CTNND2: variants seen among roughly 807,000 people sequenced by gnomAD.
The protein encoded by CTNND2 is catenin delta-2.
A neutral mutation model predicts 144.4 loss-of-function variants in CTNND2; 22 were observed. The observed-to-expected ratio is 0.15, with a 90% CI of 0.11 to 0.22. The LOEUF is 0.22. Among genes scored for constraint, CTNND2 ranks in the 10% least tolerant of loss-of-function variants. The probability of loss-of-function intolerance (pLI) is 1.00; values close to 1 mark genes in which losing one functional copy is unlikely to be tolerated. For synonymous variants in CTNND2, 751 were observed against 695.6 expected, an observed-to-expected ratio of 1.08 and a Z score of -1.25; for missense variants, 1,353 against 1,618.8, an observed-to-expected ratio of 0.84 and a Z score of 2.82.
intron 3 of CTNND2, among the ~76,000 whole-genome samples, chr5:11,501,067 C>T (rs1223814862): frequency 6.6e-6 from 1 of 152,138 alleles, no homozygotes; most frequent in Non-Finnish European, 1.5e-5. Context: ...TTTAACACTC[C>T]TTGAAAAGAG....
At chr5:11,311,243 CACAT>C (rs1205565286) in intron 9 of CTNND2, among the ~76,000 whole-genome samples, 5 of 146,320 alleles carry the variant, frequency 3.4e-5, no homozygotes, top group Admixed American at 6.8e-5. Context: ...CCTCAACCCA[CACAT>C]ACATAAACTC....
chr5:11,008,731 C>A (rs1740750498), intron 18 of CTNND2, among the ~76,000 whole-genome samples: 1 of 152,148 alleles, frequency 6.6e-6, no homozygotes, highest in Admixed American at 6.5e-5. Flanking sequence ...GACTCAACTC[C>A]AGATTATATA....
At chr5:11,588,321 A>T (rs1293844855) in intron 2 of CTNND2, among the ~76,000 whole-genome samples, 1 of 152,112 alleles carries the variant, frequency 6.6e-6, no homozygotes. Context: ...CGAAGGAAAA[A>T]AAAAAAAGAC....
At chr5:11,616,896 T>C (rs1780609011) in intron 2 of CTNND2, among the ~76,000 whole-genome samples, 1 of 152,188 alleles carries the variant, frequency 6.6e-6, no homozygotes, top group Non-Finnish European at 1.5e-5. Context: ...CGTGAGCCAC[T>C]GCGCCCAGCC....
chr5:11,632,564 TGA>T (rs1781465775), intron 2 of CTNND2, among the ~76,000 whole-genome samples: 1 of 152,136 alleles, frequency 6.6e-6, no homozygotes, highest in African/African-American at 2.4e-5. Context: ...AAAAAAGTTA[TGA>T]GTCACCCAAT....
chr5:11,441,192 C>T (rs2149892784), intron 3 of CTNND2, among the ~76,000 whole-genome samples: 1 of 152,076 alleles, frequency 6.6e-6, no homozygotes, highest in East Asian at 1.9e-4. Flanking sequence ...AGCATTAGTA[C>T]CAAATACACT....
chr5:11,212,807 C>T lies in CTNND2; in HGVS notation c.1762-13146G>A, dbSNP rs559396080. Reference sequence around the variant, plus strand: ...CCTGGGCCTGGGCCTGCACGGAGCCCCTCCCAGAGGTAAGAGACAGGGAGC... The same window carrying T: ...CCTGGGCCTGGGCCTGCACGGAGCCTCTCCCAGAGGTAAGAGACAGGGAGC... On this transcript the variant is annotated intron_variant, in intron 10 of 21. Transcript: ENST00000304623. Among the ~76,000 whole-genome samples, 14 of 152,204 alleles carry T rather than the reference C, an allele frequency of 9.2e-5. No homozygotes were observed. The East Asian group carries it at 2.1e-3, about 23-fold the overall frequency.
chr5:11,261,862 T>C (rs1254834866), intron 9 of CTNND2, among the ~76,000 whole-genome samples: 1 of 152,160 alleles, frequency 6.6e-6, no homozygotes, highest in Non-Finnish European at 1.5e-5. Flanking sequence ...GTTGAAATAA[T>C]GGGGTGATAC....
intron 11 of CTNND2, among the ~76,000 whole-genome samples, chr5:11,176,537 G>A (rs1251174400): frequency 6.6e-6 from 1 of 151,956 alleles, no homozygotes; most frequent in African/African-American, 2.4e-5. Flanking sequence ...TGTGTTTGGA[G>A]GTTGAGAATG....
At chr5:11,275,052 C>G (rs986894209) in intron 9 of CTNND2, among the ~76,000 whole-genome samples, 15 of 152,234 alleles carry the variant, frequency 9.9e-5, no homozygotes, top group Middle Eastern at 3.4e-3. Context: ...TTCAAATTCT[C>G]TCCATAGATA....
chr5:11,507,965 C>A (rs1441481994), intron 3 of CTNND2, among the ~76,000 whole-genome samples: 2 of 147,622 alleles, frequency 1.4e-5, no homozygotes, highest in Admixed American at 1.4e-4. Context: ...TGTTGTGAGG[C>A]TTTGGACATA....
intron 1 of CTNND2, among the ~76,000 whole-genome samples, chr5:11,828,665 G>A (rs908507560): frequency 1.3e-5 from 2 of 152,216 alleles, no homozygotes; most frequent in African/African-American, 2.4e-5. Flanking sequence ...ACGTGGAACA[G>A]TAATTCCATT....
intron 9 of CTNND2, among the ~76,000 whole-genome samples, chr5:11,325,301 T>C (rs1267341352): frequency 6.6e-6 from 1 of 151,980 alleles, no homozygotes; most frequent in African/African-American, 2.4e-5. Flanking sequence ...ATATATAACA[T>C]ATATATATCC....
At chr5:11,029,653 G>A (rs963351860) in intron 16 of CTNND2, among the ~76,000 whole-genome samples, 39 of 152,084 alleles carry the variant, frequency 2.6e-4, no homozygotes, top group Non-Finnish European at 1.5e-4. Flanking sequence ...TTTTAAAAAC[G>A]AATTATGTAG....
intron 7 of CTNND2, among the ~76,000 whole-genome samples, chr5:11,376,474 T>C (rs1348972630): frequency 2.6e-5 from 4 of 152,204 alleles, no homozygotes; most frequent in Non-Finnish European, 5.9e-5. Context: ...TTTATCATAT[T>C]TGAGAAAGAA....
At chr5:11,486,550 A>C (rs1443291748) in intron 3 of CTNND2, among the ~76,000 whole-genome samples, 1 of 152,176 alleles carries the variant, frequency 6.6e-6, no homozygotes, top group Non-Finnish European at 1.5e-5. Context: ...GTAGGAAGAA[A>C]GAAGGAAGAA....
At chr5:11,488,960 T>G (rs1769115321) in intron 3 of CTNND2, among the ~76,000 whole-genome samples, 1 of 152,196 alleles carries the variant, frequency 6.6e-6, no homozygotes, top group African/African-American at 2.4e-5. Context: ...CATTCACTAG[T>G]TGAGGTTATT....
rs371313129 is a variant in CTNND2 at position 11,701,154 on chromosome 5, G to A, written c.174+30982C>T. Among the ~76,000 whole-genome samples the A allele has an allele frequency of 3.3e-5, 5 of 152,154 alleles. No individual in the cohort carries two copies. In the East Asian group the frequency reaches 7.7e-4, roughly 23 times the overall value. On this transcript the variant is annotated intron_variant, in intron 2 of 21. Coordinates refer to ENST00000304623, the MANE Select transcript of CTNND2 (RefSeq NM_001332.4). ...TTTAACAAAATCATGGGCCACAGGT[G>A]GAGATTTCTCCTCTTTACTTGAGGA... is the stretch of plus-strand genomic sequence containing the variant.
intron 11 of CTNND2, among the ~76,000 whole-genome samples, chr5:11,192,543 T>G (rs1355256277): frequency 6.6e-6 from 1 of 152,028 alleles, no homozygotes; most frequent in African/African-American, 2.4e-5. Context: ...ACACGGGGCT[T>G]TAAAAGTAGA....
Sources: gnomAD v4.1 joint callset for allele counts (sites outside exome capture counted in the v4.1 genomes callset) on GRCh38, gnomAD v4.1.1 for gene constraint, MANE v1.5 for transcripts, NCBI Gene and HGNC (gene_info 2026-07-23, HGNC 2026-07-21) for gene names.